Variants in FUCA2 observed in about 807,000 individuals in gnomAD.
The protein encoded by FUCA2 is plasma alpha-L-fucosidase.
In FUCA2, 41 loss-of-function variants were observed where a neutral mutation model predicts 52.6. The ratio of observed to expected loss-of-function variants is 0.78; its 90% CI spans 0.61 to 1.01. FUCA2 has a LOEUF of 1.01. FUCA2 is among the 50% of genes least tolerant of loss of function. The pLI, the probability that FUCA2 is intolerant of heterozygous loss-of-function variation, is 0.00. For synonymous variants in FUCA2, 211 were observed against 217.3 expected (o/e 0.97, Z 0.26); for missense variants, 507 against 569.5 (o/e 0.89, Z 1.12).
rs991244160 is a variant in FUCA2, at chr6:143,495,807, G to C, written c.1304C>G (p.Ser435Cys). 6.2e-7 allele frequency: 1 copy of C among 1,614,080 alleles called. No homozygotes were observed. ...TACCATAATGCCATTTTGCTCCAAA[G>C]AAATCCAGTTAAGTGGCTGTCCATG... ...LGHGQPLNWISLEQNGIMVEL... is the reference protein window; with the variant it reads ...LGHGQPLNWICLEQNGIMVEL... The change falls in exon 7 of 7, where the codon TCT becomes TGT. Residue 435 changes from serine (S) to cysteine (C), a missense_variant. Ser to Cys is a moderately radical substitution (Grantham distance 112, BLOSUM62 -1). Coordinates refer to ENST00000002165, the MANE Select transcript of FUCA2 (RefSeq NM_032020.5). The surrounding 1 kb of genome is among the most constrained non-coding windows in gnomAD (Gnocchi z 5.2).
At position 143,511,262 on chromosome 6, in the gene FUCA2, G is replaced by A; in HGVS notation, c.224+149C>T. The A allele has an allele frequency of 1.5e-6, 1 of 647,396 alleles. No homozygotes were observed. The highest frequency in any genetic ancestry group is 2.6e-6 in the Non-Finnish European group (1 of 387,684). 40.1% of individuals were successfully genotyped at this position (647,396 alleles called of 1,614,324 possible). A position where few individuals can be genotyped will look rare whatever the true frequency, so the allele number is the denominator to read the frequency against. ...CAGGAAACCACATATTCGACACCCG[G>A]AAGTGCGAAACGCGGGTAACGCAGT... is the stretch of plus-strand genomic sequence containing the variant. On this transcript the variant is annotated intron_variant, in intron 1 of 6. Transcript: ENST00000002165. The surrounding 1 kb of genome is among the most constrained non-coding windows in gnomAD (Gnocchi z 6.3).
intron 2 of FUCA2, chr6:143,505,953 T>C (rs1344194297): frequency 6.6e-6 from 1 of 152,170 alleles, no homozygotes; most frequent in African/African-American, 2.4e-5. Context: ...CACTATGTAA[T>C]GTTTTGTGCC....
Position 143,511,022 on chromosome 6 carries a change from A to G in FUCA2, c.224+389T>C, listed in dbSNP as rs570832207. Among the ~76,000 whole-genome samples, 1 of 152,344 alleles carries G rather than the reference A, an allele frequency of 6.6e-6. No individual in the cohort carries two copies. The highest frequency in any genetic ancestry group is 2.1e-4 in the South Asian group (1 of 4,830). Reference sequence around the variant, plus strand: ...GCAGAACGACTGTAAATTGGCAGGTAGCAGCAGAGCAACCATAGGCCATTG... The same window carrying G: ...GCAGAACGACTGTAAATTGGCAGGTGGCAGCAGAGCAACCATAGGCCATTG... On this transcript the variant is annotated intron_variant, in intron 1 of 6. Coordinates refer to ENST00000002165, the MANE Select transcript of FUCA2 (RefSeq NM_032020.5). The surrounding 1 kb of genome is among the most constrained non-coding windows in gnomAD (Gnocchi z 6.3).
At chr6:143,508,317 C>T (rs974817694) in intron 1 of FUCA2, among the ~76,000 whole-genome samples, 1 of 152,244 alleles carries the variant, frequency 6.6e-6, no homozygotes, top group Admixed American at 6.5e-5. Context: ...ACAGCAGTAA[C>T]TATCCTCATG....
chr6:143,508,218 C>T (rs895895203), intron 1 of FUCA2, among the ~76,000 whole-genome samples: 4 of 152,216 alleles, frequency 2.6e-5, no homozygotes, highest in Non-Finnish European at 4.4e-5. Flanking sequence ...ACTTGCTATA[C>T]GCATTCATTC....
chr6:143,501,746 A>G lies in FUCA2; in HGVS notation c.1154+186T>C, dbSNP rs1477755616. On this transcript the variant is annotated intron_variant, in intron 5 of 6. Transcript: ENST00000002165. The surrounding 1 kb of genome is among the most constrained non-coding windows in gnomAD (Gnocchi z 6.1). ...TGATGTAAGCTCAATCTGATAAACA[A>G]TAAATGTTTCAAAACATGCAAATTC... Among the ~76,000 whole-genome samples, 1 of 152,256 alleles carries G rather than the reference A, an allele frequency of 6.6e-6. No homozygotes were observed. Among genetic ancestry groups the G allele is most frequent in the Non-Finnish European group, 1.5e-5 (1 of 68,046 alleles).
In FUCA2 at chr6:143,511,559, ACGGCGGCGGCGGCAGCAGCAG is replaced by A. The variant is rs1232710701; in HGVS notation, c.55_75del (p.Leu19_Pro25del). The stretch of plus-strand genomic sequence containing the variant: ...AAGCGCGTGGCGCTGTGGGCAGGGC[ACGGCGGCGGCGGCAGCAGCAG>A]CAACAGCAACAGCAGCAACGGGAAC... On this transcript the variant is annotated inframe_deletion, in exon 1 of 7. Coordinates refer to ENST00000002165, the MANE Select transcript of FUCA2 (RefSeq NM_032020.5). The surrounding 1 kb of genome is among the most constrained non-coding windows in gnomAD (Gnocchi z 6.3). 1.9e-6 allele frequency: 3 copies of A among 1,570,918 alleles called. No homozygotes were observed. The highest frequency in any genetic ancestry group is 1.4e-5 in the African/African-American group (1 of 73,644).
Position 143,502,196 on chromosome 6 carries a change from T to C in FUCA2, c.964-74A>G. On this transcript the variant is annotated intron_variant, in intron 4 of 6. Coordinates refer to ENST00000002165, the MANE Select transcript of FUCA2 (RefSeq NM_032020.5). This position sits in a 1 kb window ranked among gnomAD's most constrained non-coding sequence, Gnocchi z 4.1. ...TTAATGTGCTAATATGTTGCATTTATATATTTATACATGTATATATAGTCA... is the reference window on the plus strand; with the variant it reads ...TTAATGTGCTAATATGTTGCATTTACATATTTATACATGTATATATAGTCA... The C allele has an allele frequency of 2.2e-6, 3 of 1,359,724 alleles. No individual in the cohort carries two copies. In the East Asian group the frequency reaches 7.4e-5, roughly 34 times the overall value. 84.2% of individuals were successfully genotyped at this position (1,359,724 alleles called of 1,614,324 possible).
chr6:143,507,515 A>G lies in FUCA2; in HGVS notation c.225-91T>C. On this transcript the variant is annotated intron_variant, in intron 1 of 6. Transcript: ENST00000002165. The surrounding 1 kb of genome is among the most constrained non-coding windows in gnomAD (Gnocchi z 4.5). Reference sequence around the variant, plus strand: ...GCTCCCCTTACCATTTACCCCTCACACAGATAGGACCCAGATTCTCTTTCT... The same window carrying G: ...GCTCCCCTTACCATTTACCCCTCACGCAGATAGGACCCAGATTCTCTTTCT... 3 of 875,500 alleles carry G rather than the reference A, an allele frequency of 3.4e-6. No individual in the cohort carries two copies. Among genetic ancestry groups the G allele is most frequent in the South Asian group, 1.8e-5 (1 of 54,420 alleles). 54.2% of individuals were successfully genotyped at this position (875,500 alleles called of 1,614,324 possible).
Position 143,497,886 on chromosome 6 carries a change from G to A in FUCA2, c.1155-389C>T, listed in dbSNP as rs1336432169. Among the ~76,000 whole-genome samples, 2 of 152,170 alleles carry A rather than the reference G, an allele frequency of 1.3e-5. No individual in the cohort carries two copies. The highest frequency in any genetic ancestry group is 2.9e-5 in the Non-Finnish European group (2 of 68,028). ...ATGTGTCAATTCTGTGCCTAGTACT[G>A]TGCTCAGTGTTAGAGTTACAATAAA... On this transcript the variant is annotated intron_variant, in intron 5 of 6. Coordinates refer to ENST00000002165, the MANE Select transcript of FUCA2 (RefSeq NM_032020.5). The surrounding 1 kb of genome is among the most constrained non-coding windows in gnomAD (Gnocchi z 5.3).
chr6:143,495,767 T>C lies in FUCA2; in HGVS notation c.1344A>G (p.Leu448=), dbSNP rs1250692961. 1.2e-6 allele frequency: 2 copies of C among 1,614,084 alleles called. No individual in the cohort carries two copies. ...ATTTACACGGCATCTGATGAATGGT[T>C]AGCTGTGGCAGTTCTACCATAATGC... ...QNGIMVELPQ[L]TIHQMPCKWG... Residue 448 remains leucine (L), a synonymous_variant, in exon 7 of 7, where the codon CTA becomes CTG. Coordinates refer to ENST00000002165, the MANE Select transcript of FUCA2 (RefSeq NM_032020.5). The surrounding 1 kb of genome is among the most constrained non-coding windows in gnomAD (Gnocchi z 5.2).
In FUCA2 at chr6:143,510,788, C is replaced by T. The variant is rs1214769987; in HGVS notation, c.224+623G>A. On this transcript the variant is annotated intron_variant, in intron 1 of 6. Coordinates refer to ENST00000002165, the MANE Select transcript of FUCA2 (RefSeq NM_032020.5). This position sits in a 1 kb window ranked among gnomAD's most constrained non-coding sequence, Gnocchi z 4.4. ...ATTACATGCACATTTTCACATAGATCTCAAGGTAAAATCTAACGCACAGAT... is the reference window on the plus strand; with the variant it reads ...ATTACATGCACATTTTCACATAGATTTCAAGGTAAAATCTAACGCACAGAT... Among the ~76,000 whole-genome samples, 1 of 152,142 alleles carries T rather than the reference C, an allele frequency of 6.6e-6. No homozygotes were observed. The highest frequency in any genetic ancestry group is 2.4e-5 in the African/African-American group (1 of 41,416).
rs1780511548 is a variant in FUCA2 at position 143,500,101 on chromosome 6, A to C, written c.1154+1831T>G. Among the ~76,000 whole-genome samples the C allele has an allele frequency of 6.6e-6, 1 of 152,030 alleles. No homozygotes were observed. Among genetic ancestry groups the C allele is most frequent in the Non-Finnish European group, 1.5e-5 (1 of 67,994 alleles). On this transcript the variant is annotated intron_variant, in intron 5 of 6. Transcript: ENST00000002165. The surrounding 1 kb of genome is among the most constrained non-coding windows in gnomAD (Gnocchi z 6.9). Reference sequence around the variant, plus strand: ...AGTTAACAGTTAGCTGTCCAGAAGCAGGCATGGAATAAGTAGATCTGTATT... The same window carrying C: ...AGTTAACAGTTAGCTGTCCAGAAGCCGGCATGGAATAAGTAGATCTGTATT...
intron 2 of FUCA2, chr6:143,506,419 C>T (rs1780608989): frequency 6.6e-6 from 1 of 151,930 alleles, no homozygotes; most frequent in Non-Finnish European, 1.5e-5. Flanking sequence ...GTCTTGAACC[C>T]CTGGGCTCAA....
rs970958779 is a variant in FUCA2 at position 143,511,054 on chromosome 6, A to G, written c.224+357T>C. Among the ~76,000 whole-genome samples, 1 of 152,228 alleles carries G rather than the reference A, an allele frequency of 6.6e-6. No individual in the cohort carries two copies. Reference sequence around the variant, plus strand: ...GAGCAACCATAGGCCATTGTGCCTGAGTCACCGCTCGTGTGATGCCCCTGC... The same window carrying G: ...GAGCAACCATAGGCCATTGTGCCTGGGTCACCGCTCGTGTGATGCCCCTGC... On this transcript the variant is annotated intron_variant, in intron 1 of 6. Coordinates refer to ENST00000002165, the MANE Select transcript of FUCA2 (RefSeq NM_032020.5). This position sits in a 1 kb window ranked among gnomAD's most constrained non-coding sequence, Gnocchi z 6.3.
At position 143,511,390 on chromosome 6, in the gene FUCA2, G is replaced by A. The variant is rs1263348143; in HGVS notation, c.224+21C>T. ...GTGGGGACAAAAGCGCGGCAGACGAGACAAAAGGGAGCGCACTCACCAGAA... is the reference window on the plus strand; with the variant it reads ...GTGGGGACAAAAGCGCGGCAGACGAAACAAAAGGGAGCGCACTCACCAGAA... On this transcript the variant is annotated intron_variant, in intron 1 of 6. Coordinates refer to ENST00000002165, the MANE Select transcript of FUCA2 (RefSeq NM_032020.5). This position sits in a 1 kb window ranked among gnomAD's most constrained non-coding sequence, Gnocchi z 6.3. 5 of 1,586,518 alleles carry A rather than the reference G, an allele frequency of 3.2e-6. No individual in the cohort carries two copies. Among genetic ancestry groups the A allele is most frequent in the East Asian group, 4.6e-5 (2 of 43,426 alleles).
rs1360440522 is a variant in FUCA2, at chr6:143,507,043, A to G, written c.412+194T>C. Reference sequence around the variant, plus strand: ...ATCTTTCCTCTGTTACGTGGCGGGTATGATCCTTTCTGTATTCCTAACATC... The same window carrying G: ...ATCTTTCCTCTGTTACGTGGCGGGTGTGATCCTTTCTGTATTCCTAACATC... On this transcript the variant is annotated intron_variant, in intron 2 of 6. Transcript: ENST00000002165. The surrounding 1 kb of genome is among the most constrained non-coding windows in gnomAD (Gnocchi z 4.5). 24 of 525,790 alleles carry G rather than the reference A, an allele frequency of 4.6e-5. No individual in the cohort carries two copies. The highest frequency in any genetic ancestry group is 6.5e-5 in the Non-Finnish European group (20 of 305,542). 32.6% of individuals were successfully genotyped at this position (525,790 alleles called of 1,614,324 possible).
chr6:143,499,621 T>C lies in FUCA2; in HGVS notation c.1155-2124A>G, dbSNP rs1780505480. Among the ~76,000 whole-genome samples the C allele has an allele frequency of 6.6e-6, 1 of 151,972 alleles. No homozygotes were observed. On this transcript the variant is annotated intron_variant, in intron 5 of 6. Transcript: ENST00000002165. This position sits in a 1 kb window ranked among gnomAD's most constrained non-coding sequence, Gnocchi z 6.0. ...AATGAGATGAAATCAGCAAAGGAAC[T>C]AACTAAGAAGGAAGAGCCAAAAGGT... is the stretch of plus-strand genomic sequence containing the variant.
chr6:143,501,839 A>G lies in FUCA2; in HGVS notation c.1154+93T>C. On this transcript the variant is annotated intron_variant, in intron 5 of 6. Coordinates refer to ENST00000002165, the MANE Select transcript of FUCA2 (RefSeq NM_032020.5). The surrounding 1 kb of genome is among the most constrained non-coding windows in gnomAD (Gnocchi z 6.1). ...GCTTTGTATATGTAGGAATTCATCC[A>G]ATTTCTCTTTTTATCCTACTCTTCT... The G allele has an allele frequency of 8.7e-7, 1 of 1,152,120 alleles. No homozygotes were observed. 71.4% of individuals were successfully genotyped at this position (1,152,120 alleles called of 1,614,324 possible). A position where few individuals can be genotyped will look rare whatever the true frequency, so the allele number is the denominator to read the frequency against.
Sources: allele counts gnomAD v4.1 joint callset (sites outside exome capture counted in the v4.1 genomes callset), GRCh38; gene constraint gnomAD v4.1.1; non-coding constraint Gnocchi (gnomAD v3.1); transcripts MANE v1.5; gene names NCBI Gene and HGNC (gene_info 2026-07-23, HGNC 2026-07-21).